VAT1L: variants seen among roughly 807,000 people sequenced by gnomAD.
VAT1L encodes the protein putative NADPH-dependent quinone oxidoreductase VAT1L.
In VAT1L, 34 loss-of-function variants were observed where a neutral mutation model predicts 44.1. That is an observed-to-expected ratio of 0.77 (90% CI 0.59 to 1.03). The LOEUF is 1.03. Among genes scored for constraint, VAT1L ranks in the 50% least tolerant of loss-of-function variants. VAT1L has a pLI of 0.00. For synonymous variants in VAT1L, 253 were observed against 202.2 expected (o/e 1.25, Z -2.13); for missense variants, 615 against 538.8 (o/e 1.14, Z -1.40).
intron 3 of VAT1L, among the ~76,000 whole-genome samples, chr16:77,827,924 G>A (rs2016541385): frequency 6.6e-6 from 1 of 152,186 alleles, no homozygotes; most frequent in Non-Finnish European, 1.5e-5. Context: ...AGTAAAGCAA[G>A]ATTTAGTGAG....
intron 3 of VAT1L, among the ~76,000 whole-genome samples, chr16:77,853,415 G>C (rs2016826273): frequency 6.6e-6 from 1 of 152,186 alleles, no homozygotes; most frequent in Non-Finnish European, 1.5e-5. Flanking sequence ...AGCGCCGTCA[G>C]CACATTAGAA....
chr16:77,872,468 C>T (rs977213799), intron 4 of VAT1L, among the ~76,000 whole-genome samples: 2 of 152,118 alleles, frequency 1.3e-5, no homozygotes, highest in Non-Finnish European at 2.9e-5. Context: ...GACAGGAACG[C>T]AATTACCCAG....
At chr16:77,906,803 G>T (rs1350889014) in intron 7 of VAT1L, among the ~76,000 whole-genome samples, 2 of 152,208 alleles carry the variant, frequency 1.3e-5, no homozygotes, top group African/African-American at 4.8e-5. Context: ...GTGAAGCAGA[G>T]CTAAAGGCAG....
chr16:77,951,857 G>A (rs552995831), intron 7 of VAT1L, among the ~76,000 whole-genome samples: 15 of 148,586 alleles, frequency 1.0e-4, no homozygotes, highest in East Asian at 7.9e-4. Flanking sequence ...AAAAAAACAC[G>A]AAAAAACAAA....
chr16:77,825,863 A>AAT lies in VAT1L; in HGVS notation c.579+403_579+404insTA, dbSNP rs1555513062. Among the ~76,000 whole-genome samples, 6 of 150,164 alleles carry AAT rather than the reference A, an allele frequency of 4.0e-5. No individual in the cohort carries two copies. In the South Asian group the frequency reaches 6.4e-4, roughly 16 times the overall value. On this transcript the variant is annotated intron_variant, in intron 3 of 8. Transcript: ENST00000302536. ...AACCCCGTCTCTACTAAAAATAAAAAAAAAAAAAAATTAGCCGGGCGTAGT... is the reference window on the plus strand; with the variant it reads ...AACCCCGTCTCTACTAAAAATAAAAAATAAAAAAAAAATTAGCCGGGCGTAGT...
chr16:77,879,247 T>C lies in VAT1L; in HGVS notation c.882+23T>C, dbSNP rs2017122657. 1 of 1,610,816 alleles carries C rather than the reference T, an allele frequency of 6.2e-7. No homozygotes were observed. Among genetic ancestry groups the C allele is most frequent in the Non-Finnish European group, 8.5e-7 (1 of 1,177,032 alleles). ...TCAGTAAGTATCCAGGCACATCTGA[T>C]GTACTGTGGTGGCATGTTGATTCAC... On this transcript the variant is annotated intron_variant, in intron 6 of 8. Transcript: ENST00000302536. The surrounding 1 kb of genome is among the most constrained non-coding windows in gnomAD (Gnocchi z 4.1).
intron 3 of VAT1L, among the ~76,000 whole-genome samples, chr16:77,857,244 G>A (rs1040908454): frequency 6.6e-6 from 1 of 152,170 alleles, no homozygotes; most frequent in Non-Finnish European, 1.5e-5. Context: ...TAAACTGCAA[G>A]GTCCTTTTTA....
At chr16:77,795,542 G>T (rs1275078060) in intron 1 of VAT1L, among the ~76,000 whole-genome samples, 1 of 152,130 alleles carries the variant, frequency 6.6e-6, no homozygotes, top group Non-Finnish European at 1.5e-5. Flanking sequence ...TTGGGGGGTT[G>T]AAACTATGGA....
intron 7 of VAT1L, among the ~76,000 whole-genome samples, chr16:77,906,593 C>G (rs2017439353): frequency 6.6e-6 from 1 of 152,212 alleles, no homozygotes; most frequent in Non-Finnish European, 1.5e-5. Flanking sequence ...TCAAAGGCAG[C>G]TACTGCTGTG....
chr16:77,957,380 T>A (rs1211847330), intron 7 of VAT1L, among the ~76,000 whole-genome samples: 2 of 152,068 alleles, frequency 1.3e-5, no homozygotes, highest in African/African-American at 4.8e-5. Flanking sequence ...ATAATATCTT[T>A]CTCCCTGAGT....
At chr16:77,926,812 C>T (rs946064700) in intron 7 of VAT1L, among the ~76,000 whole-genome samples, 9 of 152,120 alleles carry the variant, frequency 5.9e-5, no homozygotes, top group Non-Finnish European at 1.0e-4. Flanking sequence ...TGTCCCATTC[C>T]GCTTGCAGTC....
At chr16:77,921,353 C>G (rs2017609575) in intron 7 of VAT1L, among the ~76,000 whole-genome samples, 1 of 152,164 alleles carries the variant, frequency 6.6e-6, no homozygotes, top group African/African-American at 2.4e-5. Flanking sequence ...AGAAGCAGCT[C>G]TATTGTGTAT....
At chr16:77,827,876 T>C (rs1030684419) in intron 3 of VAT1L, among the ~76,000 whole-genome samples, 1 of 152,214 alleles carries the variant, frequency 6.6e-6, no homozygotes, top group African/African-American at 2.4e-5. Flanking sequence ...TGAAGGTTTT[T>C]CTTACGGTGC....
intron 7 of VAT1L, among the ~76,000 whole-genome samples, chr16:77,970,051 TAAAAAAAAAA>T (rs36120858): frequency 2.3e-5 from 2 of 86,800 alleles, no homozygotes; most frequent in East Asian, 3.7e-4. Flanking sequence ...ACATCTCTAC[TAAAAAAAAAA>T]AAAAAAAAAA....
At chr16:77,930,569 C>A (rs907273181) in intron 7 of VAT1L, among the ~76,000 whole-genome samples, 4 of 152,154 alleles carry the variant, frequency 2.6e-5, no homozygotes, top group African/African-American at 9.7e-5. Context: ...GGTTCCAGGG[C>A]CCGTGCCCCG....
intron 3 of VAT1L, among the ~76,000 whole-genome samples, chr16:77,825,799 G>A (rs571217244): frequency 1.5e-4 from 22 of 151,062 alleles, no homozygotes; most frequent in African/African-American, 4.9e-4. Context: ...GGCAGATCAC[G>A]AAGTCAGGAG....
At position 77,876,451 on chromosome 16, in the gene VAT1L, C is replaced by G. The variant is rs1363260816; in HGVS notation, c.804C>G (p.Pro268=). The G allele has an allele frequency of 1.2e-6, 2 of 1,614,190 alleles. No homozygotes were observed. The highest frequency in any genetic ancestry group is 2.2e-5 in the South Asian group (2 of 91,080). Residue 268 remains proline (P), a synonymous_variant, in exon 5 of 9, where the codon CCC becomes CCG. Transcript: ENST00000302536. Reference sequence around the variant, plus strand: ...GAAAAGGTCTCAGTCTTCTCAAACCCCTGGGAACCTACATTTTATATGGTG... The same window carrying G: ...GAAAAGGTCTCAGTCTTCTCAAACCGCTGGGAACCTACATTTTATATGGTG... The part of the protein sequence containing the change: ...NTGKGLSLLK[P]LGTYILYGSS...
At chr16:77,929,092 G>A (rs2017700511) in intron 7 of VAT1L, among the ~76,000 whole-genome samples, 1 of 152,160 alleles carries the variant, frequency 6.6e-6, no homozygotes, top group South Asian at 2.1e-4. Context: ...AGGATTACAG[G>A]TGTGAGCCAC....
rs557125038 is a variant in VAT1L at position 77,961,470 on chromosome 16, A to G, written c.1078-10380A>G. Among the ~76,000 whole-genome samples, 3 of 152,208 alleles carry G rather than the reference A, an allele frequency of 2.0e-5. No homozygotes were observed. In the East Asian group the frequency reaches 5.8e-4, roughly 29 times the overall value. ...CCAATCTCTGATCTACATTTTAGAG[A>G]TGGAGGTGGGAGAAGAAACCATTGT... On this transcript the variant is annotated intron_variant, in intron 7 of 8. Coordinates refer to ENST00000302536, the MANE Select transcript of VAT1L (RefSeq NM_020927.3).
Sources: gnomAD v4.1 joint callset for allele counts (sites outside exome capture counted in the v4.1 genomes callset) on GRCh38, gnomAD v4.1.1 for gene constraint, Gnocchi (gnomAD v3.1) non-coding constraint, MANE v1.5 for transcripts, NCBI Gene and HGNC (gene_info 2026-07-23, HGNC 2026-07-21) for gene names.